Variants in TTC38 observed in about 807,000 individuals in gnomAD.
The protein encoded by TTC38 is tetratricopeptide repeat domain 38, also known as tetratricopeptide repeat protein 38.
TTC38 carries 64 observed loss-of-function variants against 64.2 expected under a neutral mutation model. The observed-to-expected ratio is 1.00, with a 90% CI of 0.81 to 1.23. The LOEUF (loss-of-function observed/expected upper bound fraction) is 1.23, where lower values mean the gene tolerates loss of function less well. TTC38 is among the 50% of genes most tolerant of loss of function. The pLI is 0.00. For synonymous variants in TTC38, 254 were observed against 249.3 expected (o/e 1.02, Z -0.18); for missense variants, 573 against 615.5 (o/e 0.93, Z 0.73).
At chr22:46,268,855 T>G in intron 2 of TTC38, 1 of 401,168 alleles carries the variant, frequency 2.5e-6, no homozygotes, top group Non-Finnish European at 4.7e-6. Context: ...CGACTAATTT[T>G]TTTTGTATTT....
chr22:46,278,447 T>C lies in TTC38; in HGVS notation c.540-139T>C. On this transcript the variant is annotated intron_variant, in intron 5 of 13. Transcript: ENST00000381031. ...TATGACCTCCTCTAAACTTATTACC[T>C]CTGCAAAGACCCTATTTCCAAAAAA... 4.3e-6 allele frequency: 3 copies of C among 699,514 alleles called. No individual in the cohort carries two copies. In the Admixed American group the frequency reaches 6.4e-5, roughly 15 times the overall value. 43.3% of individuals were successfully genotyped at this position (699,514 alleles called of 1,614,324 possible). A position where few individuals can be genotyped will look rare whatever the true frequency, so the allele number is the denominator to read the frequency against.
intron 8 of TTC38, 29 bp from the exon 9 acceptor site, chr22:46,285,212 G>T: frequency 6.2e-7 from 1 of 1,611,814 alleles, no homozygotes; most frequent in Non-Finnish European, 8.5e-7. Context: ...CTTCTCCAGG[G>T]TTTAATAAGG....
In TTC38 at chr22:46,268,572, T is replaced by C. The variant is rs759604635; in HGVS notation, c.92T>C (p.Phe31Ser). Reference sequence around the variant, plus strand: ...ACAAGCAACGAAGCCTGCAAGCTGTTCGATGCCACGCTGACCCAGGTATGC... The same window carrying C: ...ACAAGCAACGAAGCCTGCAAGCTGTCCGATGCCACGCTGACCCAGGTATGC... ...STTSNEACKL[F>S]DATLTQYVKW... Residue 31 changes from phenylalanine (F) to serine (S), a missense_variant, in exon 2 of 14, where the codon TTC (phenylalanine) becomes TCC (serine). Around this residue, in one of 3 missense-constraint regions of TTC38, gnomAD observed 134 missense variants for 126.5 expected, o/e 1.06. Coordinates refer to ENST00000381031, the MANE Select transcript of TTC38 (RefSeq NM_017931.4). The C allele has an allele frequency of 6.2e-7, 1 of 1,614,008 alleles. No homozygotes were observed. The highest frequency in any genetic ancestry group is 1.1e-5 in the South Asian group (1 of 91,080).
At position 46,273,530 on chromosome 22, in the gene TTC38, G is replaced by A. The variant is rs1268689414; in HGVS notation, c.194-368G>A. Among the ~76,000 whole-genome samples the A allele has an allele frequency of 1.3e-5, 2 of 152,358 alleles. No individual in the cohort carries two copies. The highest frequency in any genetic ancestry group is 4.8e-5 in the African/African-American group (2 of 41,578). ...GGGCCTCCTTGGTCCAGCCCCTTAT[G>A]AGCAGCATCCACTGATGCCTCCCGG... On this transcript the variant is annotated intron_variant, in intron 3 of 13. Coordinates refer to ENST00000381031, the MANE Select transcript of TTC38 (RefSeq NM_017931.4). The surrounding 1 kb of genome is among the most constrained non-coding windows in gnomAD (Gnocchi z 5.1).
rs913855580 is a variant in TTC38 at position 46,276,551 on chromosome 22, A to G, written c.539+1130A>G. 1.3e-5 allele frequency among the ~76,000 whole-genome samples: 2 copies of G among 151,598 alleles called. No individual in the cohort carries two copies. The highest frequency in any genetic ancestry group is 1.3e-4 in the Admixed American group (2 of 15,164). Reference sequence around the variant, plus strand: ...AAAGAAAAAATAAATTAAAAAAGTTAGCCAGGCATGGTGGCATGTGCCTGT... The same window carrying G: ...AAAGAAAAAATAAATTAAAAAAGTTGGCCAGGCATGGTGGCATGTGCCTGT... On this transcript the variant is annotated intron_variant, in intron 5 of 13. Coordinates refer to ENST00000381031, the MANE Select transcript of TTC38 (RefSeq NM_017931.4). This position sits in a 1 kb window ranked among gnomAD's most constrained non-coding sequence, Gnocchi z 4.7.
chr22:46,280,024 C>T (rs1462152262), intron 6 of TTC38: 6 of 432,122 alleles, frequency 1.4e-5, no homozygotes, highest in Admixed American at 1.3e-4. Flanking sequence ...GGGTCCCCTC[C>T]CTTCTCCATT....
chr22:46,284,281 G>C (rs1053304693), intron 8 of TTC38, among the ~76,000 whole-genome samples: 2 of 152,222 alleles, frequency 1.3e-5, no homozygotes, highest in African/African-American at 4.8e-5. Flanking sequence ...GGAGTGGAGA[G>C]CCAAGCCCCA....
Position 46,275,443 on chromosome 22 carries a change from C to G in TTC38, c.539+22C>G, listed in dbSNP as rs1285449383. 1 of 1,597,508 alleles carries G rather than the reference C, an allele frequency of 6.3e-7. No homozygotes were observed. Among genetic ancestry groups the G allele is most frequent in the African/African-American group, 1.3e-5 (1 of 74,276 alleles). ...GCAGGTATGTGCCAGCTGGAAATCA[C>G]ATTATTTCTGTTTCTTAATCTCTCT... On this transcript the variant is annotated intron_variant, in intron 5 of 13. Transcript: ENST00000381031. The surrounding 1 kb of genome is among the most constrained non-coding windows in gnomAD (Gnocchi z 4.5).
chr22:46,268,425 AGGTCAGAGG>A, intron 1 of TTC38, 80 bp from the exon 2 acceptor site: 1 of 1,358,604 alleles, frequency 7.4e-7, no homozygotes, highest in Non-Finnish European at 1.0e-6. Flanking sequence ...AGGAAGGTGG[AGGTCAGAGG>A]GGCCAGGAGA....
intron 1 of TTC38, 121 bp downstream of exon 1, chr22:46,268,193 C>T (rs776184283): frequency 3.1e-4 from 355 of 1,137,286 alleles, no homozygotes; most frequent in Non-Finnish European, 4.1e-4. Flanking sequence ...GCCCTGGGCG[C>T]ACGGGCGCGT....
chr22:46,272,532 G>A lies in TTC38; in HGVS notation c.193+116G>A, dbSNP rs1936918107. ...AAGGCAGGTTGGGTGGCAGCAACCA[G>A]GGTGGCATTTGCACAGAGGGAGAGA... On this transcript the variant is annotated intron_variant, in intron 3 of 13. Transcript: ENST00000381031. This position sits in a 1 kb window ranked among gnomAD's most constrained non-coding sequence, Gnocchi z 6.4. 1 of 801,764 alleles carries A rather than the reference G, an allele frequency of 1.2e-6. No individual in the cohort carries two copies. Among genetic ancestry groups the A allele is most frequent in the African/African-American group, 1.7e-5 (1 of 58,234 alleles). 49.7% of individuals were successfully genotyped at this position (801,764 alleles called of 1,614,324 possible).
chr22:46,286,968 C>A, intron 9 of TTC38, 105 bp from the exon 10 acceptor site: 1 of 821,340 alleles, frequency 1.2e-6, no homozygotes, highest in African/African-American at 1.7e-5. Context: ...AGAGGGCTTG[C>A]TCTATGCAGG....
Position 46,291,167 on chromosome 22 carries a change from G to T in TTC38, c.1316+1268G>T, listed in dbSNP as rs1035911490. Among the ~76,000 whole-genome samples, 1 of 152,210 alleles carries T rather than the reference G, an allele frequency of 6.6e-6. No homozygotes were observed. Among genetic ancestry groups the T allele is most frequent in the South Asian group, 2.1e-4 (1 of 4,828 alleles). Reference sequence around the variant, plus strand: ...AAAATGTCTTGGACGCATGCTCCCCGCTTTCCCCTTCCATGGCTGTAGACA... The same window carrying T: ...AAAATGTCTTGGACGCATGCTCCCCTCTTTCCCCTTCCATGGCTGTAGACA... On this transcript the variant is annotated intron_variant, in intron 13 of 13. Coordinates refer to ENST00000381031, the MANE Select transcript of TTC38 (RefSeq NM_017931.4). This position sits in a 1 kb window ranked among gnomAD's most constrained non-coding sequence, Gnocchi z 4.6.
intron 9 of TTC38, 66 bp downstream of exon 9, chr22:46,285,345 G>C: frequency 3.4e-6 from 5 of 1,470,288 alleles, no homozygotes; most frequent in Non-Finnish European, 4.8e-6. Context: ...AAAGAGACCA[G>C]ATTTTTGAGT....
intron 6 of TTC38, chr22:46,280,160 G>A: frequency 2.1e-6 from 1 of 471,252 alleles, no homozygotes; most frequent in Non-Finnish European, 4.4e-6. Flanking sequence ...GGTAACACAT[G>A]GGCTCTGTGT....
intron 13 of TTC38, among the ~76,000 whole-genome samples, chr22:46,290,943 T>C (rs2077610875): frequency 6.6e-6 from 1 of 152,116 alleles, no homozygotes; most frequent in African/African-American, 2.4e-5. Context: ...ATGGGGTGCC[T>C]GGTGGGGAAG....
rs541902862 is a variant in TTC38, at chr22:46,270,387, T to TA, written c.111+1806dup. On this transcript the variant is annotated intron_variant, in intron 2 of 13. Coordinates refer to ENST00000381031, the MANE Select transcript of TTC38 (RefSeq NM_017931.4). The surrounding 1 kb of genome is among the most constrained non-coding windows in gnomAD (Gnocchi z 4.7). Reference sequence around the variant, plus strand: ...CTGGGCAACAGAGCAAACCCTGTCTTAAAAAAAAAATACACGTACTAATTC... The same window carrying TA: ...CTGGGCAACAGAGCAAACCCTGTCTTAAAAAAAAAAATACACGTACTAATTC... 1.6e-4 allele frequency among the ~76,000 whole-genome samples: 24 copies of TA among 149,128 alleles called. No homozygotes were observed. The highest frequency in any genetic ancestry group is 2.7e-4 in the African/African-American group (11 of 40,738).
chr22:46,281,494 C>T lies in TTC38; in HGVS notation c.616-105C>T, dbSNP rs914871025. 27 of 1,370,872 alleles carry T rather than the reference C, an allele frequency of 2.0e-5. 1 individual carries two copies. The highest frequency in any genetic ancestry group is 1.4e-4 in the East Asian group (6 of 42,510). The allele number at this position is 1,370,872 out of a possible 1,614,324, so 84.9% of individuals were successfully genotyped here. A position where few individuals can be genotyped will look rare whatever the true frequency, so the allele number is the denominator to read the frequency against. ...CCCCGCCCCCCCACTTGCTCCACCC[C>T]GTTCAGCCCAGGCCCCTCTTGCCCC... On this transcript the variant is annotated intron_variant, in intron 6 of 13. Coordinates refer to ENST00000381031, the MANE Select transcript of TTC38 (RefSeq NM_017931.4). This position sits in a 1 kb window ranked among gnomAD's most constrained non-coding sequence, Gnocchi z 5.2.
chr22:46,288,338 A>G (rs958715806), intron 10 of TTC38, 85 bp from the exon 11 acceptor site: 2 of 1,433,350 alleles, frequency 1.4e-6, no homozygotes, highest in Non-Finnish European at 1.9e-6. Flanking sequence ...AAGGCCTCCA[A>G]GGGAAGCGCC....
Sources: allele counts gnomAD v4.1 joint callset (sites outside exome capture counted in the v4.1 genomes callset), GRCh38; gene constraint gnomAD v4.1.1; regional missense constraint gnomAD v4.1.1; non-coding constraint Gnocchi (gnomAD v3.1); transcripts MANE v1.5; gene names NCBI Gene and HGNC (gene_info 2026-07-23, HGNC 2026-07-21).